CCDC178: variants seen among roughly 807,000 people sequenced by gnomAD.
The protein encoded by CCDC178 is coiled-coil domain-containing protein 178.
In CCDC178, 126 loss-of-function variants were observed where a neutral mutation model predicts 117.4. The observed-to-expected ratio is 1.07, with a 90% CI of 0.93 to 1.24. The LOEUF (loss-of-function observed/expected upper bound fraction) is 1.24, where lower values mean the gene tolerates loss of function less well. Among genes scored for constraint, CCDC178 ranks in the 50% most tolerant of loss-of-function variants. CCDC178 has a pLI of 0.00. For missense variants in CCDC178, 1,030 were observed against 986.9 expected (o/e 1.04, Z -0.59); for synonymous variants, 283 against 313.4 (o/e 0.90, Z 1.02).
chr18:32,991,508 C>T (rs1193668214), intron 21 of CCDC178, among the ~76,000 whole-genome samples: 4 of 152,134 alleles, frequency 2.6e-5, no homozygotes, highest in Non-Finnish European at 4.4e-5. Flanking sequence ...GTGGTAGTGT[C>T]AAGATAGGAG....
intron 21 of CCDC178, among the ~76,000 whole-genome samples, chr18:33,033,710 C>T (rs978351825): frequency 2.0e-5 from 3 of 151,984 alleles, no homozygotes; most frequent in African/African-American, 7.2e-5. Flanking sequence ...CTGCATTTTT[C>T]ATCTTTTCCC....
chr18:33,283,709 C>T (rs1046344713), intron 12 of CCDC178, among the ~76,000 whole-genome samples: 1 of 152,134 alleles, frequency 6.6e-6, no homozygotes, highest in East Asian at 1.9e-4. Context: ...AATGAAATAT[C>T]ATCTCACACC....
At chr18:33,184,818 T>C (rs1387823020) in intron 20 of CCDC178, among the ~76,000 whole-genome samples, 1 of 152,038 alleles carries the variant, frequency 6.6e-6, no homozygotes, top group Non-Finnish European at 1.5e-5. Context: ...ACATAAGTAT[T>C]ACAAAATTTT....
Position 32,951,199 on chromosome 18 carries a change from A to G in CCDC178, c.2524-13108T>C, listed in dbSNP as rs138754754. ...AATATGCTGGTATGTAATCCTACTG[A>G]AATAATTCTGCCTTAAGGGATAATC... On this transcript the variant is annotated intron_variant, in intron 22 of 22. Transcript: ENST00000383096. Among the ~76,000 whole-genome samples, 176 of 152,300 alleles carry G rather than the reference A, an allele frequency of 1.2e-3. 1 individual carries two copies. The highest frequency in any genetic ancestry group is 4.0e-3 in the African/African-American group (167 of 41,554).
chr18:33,149,997 A>G (rs1451962155), intron 20 of CCDC178, among the ~76,000 whole-genome samples: 1 of 152,226 alleles, frequency 6.6e-6, no homozygotes, highest in African/African-American at 2.4e-5. Flanking sequence ...ATTATACTAC[A>G]GGGCTATAGT....
At chr18:33,173,208 C>G (rs541875839) in intron 20 of CCDC178, among the ~76,000 whole-genome samples, 1 of 151,966 alleles carries the variant, frequency 6.6e-6, no homozygotes, top group South Asian at 2.1e-4. Context: ...GGCTACCATG[C>G]CTGGATAATT....
At chr18:33,345,800 C>G (rs541352127) in intron 9 of CCDC178, among the ~76,000 whole-genome samples, 36 of 152,290 alleles carry the variant, frequency 2.4e-4, no homozygotes, top group Middle Eastern at 3.4e-3. Flanking sequence ...TCAATAACAT[C>G]TTTCAAAAGT....
At chr18:33,056,664 T>C (rs1329016983) in intron 21 of CCDC178, among the ~76,000 whole-genome samples, 1 of 152,154 alleles carries the variant, frequency 6.6e-6, no homozygotes, top group Non-Finnish European at 1.5e-5. Flanking sequence ...TATTAGAAGT[T>C]GGAAAATGTA....
intron 22 of CCDC178, among the ~76,000 whole-genome samples, chr18:32,953,908 C>T (rs1161962798): frequency 6.6e-6 from 1 of 152,116 alleles, no homozygotes; most frequent in African/African-American, 2.4e-5. Flanking sequence ...GATGTTAATG[C>T]ATAAGCTTCC....
intron 22 of CCDC178, chr18:32,958,281 T>C (rs1434711601): frequency 6.8e-6 from 3 of 441,134 alleles, no homozygotes; most frequent in Non-Finnish European, 1.3e-5. Context: ...TGGCAAAAAA[T>C]GCTCTTGCAA....
At chr18:32,990,709 T>C (rs1352054520) in intron 21 of CCDC178, among the ~76,000 whole-genome samples, 2 of 151,976 alleles carry the variant, frequency 1.3e-5, no homozygotes, top group Admixed American at 1.3e-4. Flanking sequence ...ACTTTGTTCA[T>C]CCAAAACACC....
chr18:33,270,729 T>C (rs9967219), intron 12 of CCDC178, among the ~76,000 whole-genome samples: 138,144 of 151,502 alleles, frequency 0.91, 63,089 homozygotes, highest in East Asian at 1. Flanking sequence ...TCAAGGGAAT[T>C]GATTCCTTCA....
In CCDC178 at chr18:33,190,544, T is replaced by G. The variant is rs558938456; in HGVS notation, c.2238+21352A>C. 3.3e-5 allele frequency among the ~76,000 whole-genome samples: 5 copies of G among 152,320 alleles called. No homozygotes were observed. In the East Asian group the frequency reaches 9.6e-4, roughly 29 times the overall value. On this transcript the variant is annotated intron_variant, in intron 20 of 22. Coordinates refer to ENST00000383096, the MANE Select transcript of CCDC178 (RefSeq NM_001105528.4). ...CGTAATTATTTTCTCTAAGTATATG[T>G]GTTTACTGTGAAACCAGTCAATGAA...
intron 15 of CCDC178, among the ~76,000 whole-genome samples, chr18:33,242,806 G>A (rs1346292092): frequency 1.3e-5 from 2 of 151,890 alleles, no homozygotes; most frequent in East Asian, 3.9e-4. Context: ...CTGTTGGTGG[G>A]AATTAAAATT....
chr18:32,999,516 C>T (rs1318208543), intron 21 of CCDC178, among the ~76,000 whole-genome samples: 4 of 152,114 alleles, frequency 2.6e-5, no homozygotes, highest in African/African-American at 7.2e-5. Context: ...GTTGTGCTTG[C>T]TCCAGGTCTT....
chr18:33,080,116 C>A (rs554258575), intron 21 of CCDC178, among the ~76,000 whole-genome samples: 3 of 152,234 alleles, frequency 2.0e-5, no homozygotes, highest in South Asian at 2.1e-4. Context: ...GAGATCATGT[C>A]TTTTGTGGGA....
At chr18:33,077,464 C>G (rs2057229888) in intron 21 of CCDC178, among the ~76,000 whole-genome samples, 1 of 151,984 alleles carries the variant, frequency 6.6e-6, no homozygotes, top group African/African-American at 2.4e-5. Context: ...TCCAATATGA[C>G]TGATATCTTT....
intron 2 of CCDC178, among the ~76,000 whole-genome samples, chr18:33,415,323 C>T (rs998374489): frequency 3.3e-5 from 5 of 151,820 alleles, no homozygotes; most frequent in South Asian, 2.1e-4. Flanking sequence ...AATGATAGAC[C>T]GGATTAAGAA....
chr18:33,001,617 A>G (rs1012034392), intron 21 of CCDC178, among the ~76,000 whole-genome samples: 2 of 152,158 alleles, frequency 1.3e-5, no homozygotes, highest in African/African-American at 4.8e-5. Flanking sequence ...AAAGTGAGGA[A>G]GAGAAGACCA....
Sources: allele counts gnomAD v4.1 joint callset (sites outside exome capture counted in the v4.1 genomes callset), GRCh38; gene constraint gnomAD v4.1.1; transcripts MANE v1.5; gene names NCBI Gene and HGNC (gene_info 2026-07-23, HGNC 2026-07-21).